The following TMPRSS3 variants were observed in gnomAD, a reference collection of about 807,000 sequenced individuals.
The protein encoded by TMPRSS3 is transmembrane serine protease 3.
In TMPRSS3, 55 loss-of-function variants were observed where a neutral mutation model predicts 59.6. That is an observed-to-expected ratio of 0.92 (90% CI 0.74 to 1.16). The LOEUF (loss-of-function observed/expected upper bound fraction) is 1.16. Ranked by LOEUF, TMPRSS3 falls within the 50% of genes most tolerant of loss-of-function variation. The pLI is 0.00. For missense variants in TMPRSS3, 596 were observed against 579.4 expected (o/e 1.03, Z -0.29); for synonymous variants, 257 against 237.7 (o/e 1.08, Z -0.75).
At chr21:42,382,687 C>T (rs9984728) in intron 8 of TMPRSS3, 9,718 of 423,444 alleles carry the variant, frequency 0.023, 157 homozygotes, top group Middle Eastern at 0.039. Flanking sequence ...CCCGCACCAC[C>T]GTCTCACCCT....
rs1264476420 is a variant in TMPRSS3, at chr21:42,376,634, G to T, written c.1098C>A (p.Asn366Lys). ...ACACGTCCCTGTGGTTGCAGATCTT[G>T]TTGGAAATCAAAGGGACGGCCGCGT... ...LNHAAVPLIS[N>K]KICNHRDVYG... The change falls in exon 11 of 13, where the codon AAC becomes AAA. Residue 366 changes from asparagine (N) to lysine (K), a missense_variant. Physicochemically the swap from Asn to Lys is moderately conservative, Grantham distance 94. Transcript: ENST00000644384. The T allele has an allele frequency of 6.2e-7, 1 of 1,614,150 alleles. No homozygotes were observed. The highest frequency in any genetic ancestry group is 8.5e-7 in the Non-Finnish European group (1 of 1,180,038).
chr21:42,385,567 G>A (rs199762649), intron 5 of TMPRSS3, 33 bp from the exon 6 acceptor site: 16 of 1,613,342 alleles, frequency 9.9e-6, no homozygotes, highest in African/African-American at 1.3e-5. Flanking sequence ...GACCCGACGT[G>A]GTAACTTTAC....
intron 9 of TMPRSS3, chr21:42,381,800 G>C (rs2146433569): frequency 1.7e-6 from 1 of 603,748 alleles, no homozygotes; most frequent in East Asian, 2.9e-5. Context: ...TGAAAATGTA[G>C]GTAGGACTCA....
Position 42,382,169 on chromosome 21 carries a change from G to A in TMPRSS3, c.848C>T (p.Pro283Leu). Residue 283 changes from proline to leucine, a missense_variant, in exon 9 of 13, where the codon CCA becomes CTA. Pro to Leu is a moderately conservative substitution (Grantham distance 98). Coordinates refer to ENST00000644384, the MANE Select transcript of TMPRSS3 (RefSeq NM_001256317.3). ...GLVSLLDNPA[P>L]SHLVEKIVYH... The stretch of plus-strand genomic sequence containing the variant: ...GACAATCTTCTCCACCAAGTGGGAT[G>A]GGGCTGGATTGTCCAACAGGGAAAC... 1 of 1,614,176 alleles carries A rather than the reference G, an allele frequency of 6.2e-7. No individual in the cohort carries two copies. Among genetic ancestry groups the A allele is most frequent in the Non-Finnish European group, 8.5e-7 (1 of 1,180,028 alleles).
At chr21:42,383,461 G>A (rs973116001) in intron 7 of TMPRSS3, 9 of 577,942 alleles carry the variant, frequency 1.6e-5, no homozygotes, top group Non-Finnish European at 2.2e-5. Context: ...AGCATTGGCA[G>A]CACCACTCCC....
At chr21:42,384,040 T>TG (rs1210837663) in intron 6 of TMPRSS3, 27 bp from the exon 7 acceptor site, 1 of 1,612,926 alleles carries the variant, frequency 6.2e-7, no homozygotes, top group Admixed American at 1.7e-5. Flanking sequence ...GTAGGCTCTG[T>TG]GAAAAATGCC....
At position 42,372,410 on chromosome 21, in the gene TMPRSS3, A is replaced by C. The variant is rs1276353435; in HGVS notation, c.*352T>G. 2.0e-5 allele frequency: 10 copies of C among 489,160 alleles called. No individual in the cohort carries two copies. The highest frequency in any genetic ancestry group is 1.9e-4 in the African/African-American group (10 of 51,518). 30.3% of individuals were successfully genotyped at this position (489,160 alleles called of 1,614,324 possible). A position where few individuals can be genotyped will look rare whatever the true frequency, so the allele number is the denominator to read the frequency against. ...CCCTGTCTCTACTAAAAATACAAAAATTAGTTGGGTGTGGTGGCGGGCACC... is the reference window on the plus strand; with the variant it reads ...CCCTGTCTCTACTAAAAATACAAAACTTAGTTGGGTGTGGTGGCGGGCACC... On this transcript the variant is annotated 3_prime_UTR_variant, in exon 13 of 13. Transcript: ENST00000644384.
At chr21:42,392,167 T>C (rs147694650) in intron 2 of TMPRSS3, among the ~76,000 whole-genome samples, 97 of 152,332 alleles carry the variant, frequency 6.4e-4, no homozygotes, top group Middle Eastern at 3.4e-3. Context: ...AGCTCTGTCA[T>C]GGAAGAGCTA....
chr21:42,386,992 G>A (rs1312104783), intron 5 of TMPRSS3, among the ~76,000 whole-genome samples: 2 of 152,152 alleles, frequency 1.3e-5, no homozygotes, highest in Non-Finnish European at 2.9e-5. Context: ...AGAGATGGGG[G>A]ACATCGCATT....
rs142317371 is a variant in TMPRSS3 at position 42,389,971 on chromosome 21, A to T, written c.161T>A (p.Ile54Asn). ...LPLKFFPIIV[I>N]GIIALILALA... ...TGCTAATATCAATGCAATGATCCCAATGACGATGATTGGAAAAAACTTCAA... is the reference window on the plus strand; with the variant it reads ...TGCTAATATCAATGCAATGATCCCATTGACGATGATTGGAAAAAACTTCAA... The change falls in exon 3 of 13, where the codon ATT (isoleucine) becomes AAT (asparagine). Residue 54 changes from isoleucine to asparagine, a missense_variant. Coordinates refer to ENST00000644384, the MANE Select transcript of TMPRSS3 (RefSeq NM_001256317.3). The T allele has an allele frequency of 6.2e-7, 1 of 1,614,050 alleles. No homozygotes were observed. Among genetic ancestry groups the T allele is most frequent in the Non-Finnish European group, 8.5e-7 (1 of 1,179,968 alleles).
intron 6 of TMPRSS3, among the ~76,000 whole-genome samples, chr21:42,384,472 G>A (rs1274614825): frequency 1.3e-5 from 2 of 152,166 alleles, no homozygotes; most frequent in African/African-American, 4.8e-5. Flanking sequence ...GCAATAAAGT[G>A]TGATTGCCCC....
intron 8 of TMPRSS3, 103 bp downstream of exon 8, chr21:42,382,930 C>G: frequency 7.1e-7 from 1 of 1,408,650 alleles, no homozygotes; most frequent in Non-Finnish European, 9.9e-7. Flanking sequence ...AGGTTAGTCT[C>G]TCTGTCTTCC....
intron 5 of TMPRSS3, among the ~76,000 whole-genome samples, chr21:42,387,294 C>G (rs2052651784): frequency 6.6e-6 from 1 of 151,770 alleles, no homozygotes. Context: ...CCCCCCAACA[C>G]CCCCCACCCA....
chr21:42,379,344 G>A (rs540856714), intron 10 of TMPRSS3, among the ~76,000 whole-genome samples: 2 of 152,102 alleles, frequency 1.3e-5, no homozygotes, highest in Non-Finnish European at 2.9e-5. Context: ...TGTATTTTTT[G>A]TAGAGACGGT....
intron 5 of TMPRSS3, 111 bp from the exon 6 acceptor site, chr21:42,385,645 T>A: frequency 7.1e-7 from 1 of 1,413,384 alleles, no homozygotes; most frequent in Non-Finnish European, 9.9e-7. Flanking sequence ...GATGTCATTT[T>A]GTCCCCCCAA....
chr21:42,389,896 G>T lies in TMPRSS3; in HGVS notation c.205+31C>A, dbSNP rs773427994. 13 of 1,519,674 alleles carry T rather than the reference G, an allele frequency of 8.6e-6. No individual in the cohort carries two copies. The Middle Eastern group carries it at 1.0e-3, about 119-fold the overall frequency. The allele number at this position is 1,519,674 out of a possible 1,614,324, so 94.1% of individuals were successfully genotyped here. A position where few individuals can be genotyped will look rare whatever the true frequency, so the allele number is the denominator to read the frequency against. On this transcript the variant is annotated intron_variant, in intron 3 of 12. Transcript: ENST00000644384. Reference sequence around the variant, plus strand: ...AGTTTAACTACTTGGCTAGGTATTTGAGATCCTACTAAATAATGAATTGTA... The same window carrying T: ...AGTTTAACTACTTGGCTAGGTATTTTAGATCCTACTAAATAATGAATTGTA...
At chr21:42,391,952 C>T (rs927033613) in intron 2 of TMPRSS3, among the ~76,000 whole-genome samples, 6 of 152,330 alleles carry the variant, frequency 3.9e-5, no homozygotes, top group Admixed American at 3.3e-4. Flanking sequence ...CCCACTAGCA[C>T]TCTTCCCTCC....
At chr21:42,389,887 T>C (rs779091196) in intron 3 of TMPRSS3, 40 bp downstream of exon 3, 2 of 1,466,816 alleles carry the variant, frequency 1.4e-6, no homozygotes, top group Non-Finnish European at 1.9e-6. Context: ...ACTACTTGGC[T>C]AGGTATTTGA....
At chr21:42,389,553 T>C (rs1208925109) in intron 3 of TMPRSS3, among the ~76,000 whole-genome samples, 3 of 152,274 alleles carry the variant, frequency 2.0e-5, no homozygotes, top group Non-Finnish European at 4.4e-5. Flanking sequence ...AAAAGCCACA[T>C]GCACCTTATT....
Sources: gnomAD v4.1 joint callset for allele counts (sites outside exome capture counted in the v4.1 genomes callset) on GRCh38, gnomAD v4.1.1 for gene constraint, MANE v1.5 for transcripts, NCBI Gene and HGNC (gene_info 2026-07-23, HGNC 2026-07-21) for gene names.